TMA16: variants seen among roughly 807,000 people sequenced by gnomAD.
TMA16 encodes translation machinery-associated protein 16.
Under a neutral mutation model 27.1 loss-of-function variants are expected in TMA16, and 26 were observed. That is an observed-to-expected ratio of 0.96 (90% confidence interval 0.70 to 1.33). The LOEUF is 1.33. Ranked by LOEUF, TMA16 falls within the 40% of genes most tolerant of loss-of-function variation. The probability of loss-of-function intolerance (pLI) is 0.00; values close to 1 mark genes in which losing one functional copy is unlikely to be tolerated. For missense variants in TMA16, 233 were observed against 241.4 expected, an observed-to-expected ratio of 0.97 and a Z score of 0.23; for synonymous variants, 71 against 81.9, an observed-to-expected ratio of 0.87 and a Z score of 0.72.
chr4:163,497,617 G>A (rs978385548), intron 1 of TMA16, among the ~76,000 whole-genome samples: 1 of 152,128 alleles, frequency 6.6e-6, no homozygotes, highest in Non-Finnish European at 1.5e-5. Context: ...CCAGCAGCAT[G>A]GCATCTTTAA....
chr4:163,519,300 C>T, intron 6 of TMA16, 34 bp from the exon 7 acceptor site: 1 of 1,526,078 alleles, frequency 6.6e-7, no homozygotes, highest in Non-Finnish European at 8.8e-7. Flanking sequence ...CTTACCAACA[C>T]TCTGCACTCT....
At chr4:163,518,726 C>G (rs1425828421) in intron 6 of TMA16, among the ~76,000 whole-genome samples, 1 of 152,014 alleles carries the variant, frequency 6.6e-6, no homozygotes, top group African/African-American at 2.4e-5. Context: ...CACTTTTGAG[C>G]TTATGTATAG....
intron 1 of TMA16, 43 bp from the exon 2 acceptor site, chr4:163,506,990 T>TAA: frequency 2.0e-6 from 3 of 1,464,508 alleles, no homozygotes; most frequent in Non-Finnish European, 2.8e-6. Flanking sequence ...TGAAGGCACT[T>TAA]ACATATCTGA....
Position 163,501,399 on chromosome 4 carries a change from CT to C in TMA16, c.4-5631del, listed in dbSNP as rs1194062484. Among the ~76,000 whole-genome samples the C allele has an allele frequency of 3.3e-5, 5 of 152,316 alleles. No homozygotes were observed. In the East Asian group the frequency reaches 9.6e-4, roughly 29 times the overall value. ...TGTGACCTCTTCTCTTTAAACTCTT[CT>C]TTCAAACTTTGGTTAGGCCATTCTG... On this transcript the variant is annotated intron_variant, in intron 1 of 6. Transcript: ENST00000358572.
chr4:163,519,286 A>G, intron 6 of TMA16, 48 bp from the exon 7 acceptor site: 1 of 1,471,488 alleles, frequency 6.8e-7, no homozygotes, highest in Non-Finnish European at 9.0e-7. Flanking sequence ...TTTCCACATT[A>G]ACTCTTACCA....
In TMA16 at chr4:163,498,639, T is replaced by C. The variant is rs565276578; in HGVS notation, c.3+3835T>C. ...CTATTTCAATTTTTATCTTGATGGG[T>C]ACTATCTTTATTTTTATTTTATTTT... On this transcript the variant is annotated intron_variant, in intron 1 of 6. Coordinates refer to ENST00000358572, the MANE Select transcript of TMA16 (RefSeq NM_018352.3). Among the ~76,000 whole-genome samples, 9 of 152,202 alleles carry C rather than the reference T, an allele frequency of 5.9e-5. No homozygotes were observed. In the South Asian group the frequency reaches 1.9e-3, roughly 32 times the overall value.
At position 163,515,428 on chromosome 4, in the gene TMA16, C is replaced by T. The variant is rs200056385; in HGVS notation, c.355C>T (p.Arg119Trp). Residue 119 changes from arginine (R) to tryptophan (W), a missense_variant, in exon 5 of 7, where the codon CGG becomes TGG. Coordinates refer to ENST00000358572, the MANE Select transcript of TMA16 (RefSeq NM_018352.3). ...RETVIKQTME[R>W]ERQQFEGYGL... is the part of the protein sequence containing the mutation. ...GACCGTCATCAAGCAGACGATGGAG[C>T]GGGAGCGACAGCAGTTTGAGGGATA... The T allele has an allele frequency of 2.8e-4, 459 of 1,613,846 alleles. No homozygotes were observed. The highest frequency in any genetic ancestry group is 2.8e-4 in the Admixed American group (17 of 59,982).
At chr4:163,505,735 G>A (rs913204671) in intron 1 of TMA16, among the ~76,000 whole-genome samples, 1 of 152,160 alleles carries the variant, frequency 6.6e-6, no homozygotes, top group Non-Finnish European at 1.5e-5. Flanking sequence ...CTAACTGTGA[G>A]CTAGTAGAGC....
intron 1 of TMA16, among the ~76,000 whole-genome samples, chr4:163,503,341 G>A (rs7662994): frequency 0.032 from 4,909 of 152,034 alleles, 205 homozygotes; most frequent in African/African-American, 0.099. Context: ...ATGTATTTAC[G>A]TACACTTTGT....
At chr4:163,495,869 A>G (rs1444548280) in intron 1 of TMA16, among the ~76,000 whole-genome samples, 5 of 152,190 alleles carry the variant, frequency 3.3e-5, no homozygotes, top group African/African-American at 1.2e-4. Context: ...GTGTAAATTC[A>G]GTGTTTGCTT....
chr4:163,502,259 C>T (rs1197956691), intron 1 of TMA16, among the ~76,000 whole-genome samples: 1 of 152,050 alleles, frequency 6.6e-6, no homozygotes. Context: ...AAGGAAGGCA[C>T]CATCATGAGC....
chr4:163,512,242 C>T (rs1476176193), intron 2 of TMA16, among the ~76,000 whole-genome samples: 3 of 152,084 alleles, frequency 2.0e-5, no homozygotes, highest in Non-Finnish European at 4.4e-5. Flanking sequence ...TTGGGGCTAT[C>T]AGAAACTAAA....
chr4:163,517,044 C>T lies in TMA16; in HGVS notation c.389-390C>T, dbSNP rs367813750. Reference sequence around the variant, plus strand: ...TCAGCCTCCCGAGTAGCTGGGACTACAGGTGCCCGTCACCACGCCCGGCTA... The same window carrying T: ...TCAGCCTCCCGAGTAGCTGGGACTATAGGTGCCCGTCACCACGCCCGGCTA... On this transcript the variant is annotated intron_variant, in intron 5 of 6. Coordinates refer to ENST00000358572, the MANE Select transcript of TMA16 (RefSeq NM_018352.3). The T allele has an allele frequency of 7.3e-4, 125 of 171,746 alleles. 1 individual carries two copies. The highest frequency in any genetic ancestry group is 2.9e-3 in the African/African-American group (121 of 41,680). The allele number at this position is 171,746 out of a possible 1,614,324, so 10.6% of individuals were successfully genotyped here. A position where few individuals can be genotyped will look rare whatever the true frequency, so the allele number is the denominator to read the frequency against.
chr4:163,511,795 T>C (rs1470057123), intron 2 of TMA16, among the ~76,000 whole-genome samples: 2 of 151,898 alleles, frequency 1.3e-5, no homozygotes, highest in Admixed American at 6.6e-5. Context: ...ACTGCAGTCC[T>C]GCTCGAGCTA....
At chr4:163,494,942 G>C in intron 1 of TMA16, 138 bp downstream of exon 1, 1 of 1,293,174 alleles carries the variant, frequency 7.7e-7, no homozygotes, top group Non-Finnish European at 1.1e-6. Flanking sequence ...GGGAGTGTGC[G>C]GGGTGCGGGG....
intron 1 of TMA16, among the ~76,000 whole-genome samples, chr4:163,505,640 G>A (rs1737709220): frequency 1.3e-5 from 2 of 152,208 alleles, no homozygotes; most frequent in Admixed American, 6.5e-5. Flanking sequence ...AGAATGGCGT[G>A]AAGAATCTTT....
chr4:163,516,236 CAG>C (rs1335850131), intron 5 of TMA16: 2 of 152,248 alleles, frequency 1.3e-5, no homozygotes, highest in East Asian at 1.9e-4. Flanking sequence ...TTCCCAGAAT[CAG>C]GGGATGGGTC....
intron 1 of TMA16, among the ~76,000 whole-genome samples, chr4:163,495,885 TTTGC>T (rs1476046722): frequency 6.6e-6 from 1 of 152,236 alleles, no homozygotes; most frequent in African/African-American, 2.4e-5. Flanking sequence ...TGCTTGTCAC[TTTGC>T]TTGTGGGATT....
At chr4:163,495,383 TTTACCCA>T in intron 1 of TMA16, among the ~76,000 whole-genome samples, 1 of 152,346 alleles carries the variant, frequency 6.6e-6, no homozygotes, top group South Asian at 2.1e-4. Flanking sequence ...GGAATTCTCG[TTTACCCA>T]TTTTGTAGTT....
Sources: gnomAD v4.1 joint callset for allele counts (sites outside exome capture counted in the v4.1 genomes callset) on GRCh38, gnomAD v4.1.1 for gene constraint, MANE v1.5 for transcripts, NCBI Gene and HGNC (gene_info 2026-07-23, HGNC 2026-07-21) for gene names.